Variants in DGKG observed in about 807,000 individuals in gnomAD.
DGKG encodes the protein diacylglycerol kinase gamma, also known as DAG kinase gamma.
A neutral mutation model predicts 105.3 loss-of-function variants in DGKG; 78 were observed. The observed-to-expected ratio is 0.74, with a 90% CI of 0.62 to 0.89. The LOEUF (loss-of-function observed/expected upper bound fraction) is 0.89. DGKG is among the 40% of genes least tolerant of loss of function. The pLI is 0.00. For missense variants in DGKG, 958 were observed against 1,020.1 expected, an observed-to-expected ratio of 0.94 and a Z score of 0.83; for synonymous variants, 346 against 367.1, an observed-to-expected ratio of 0.94 and a Z score of 0.66.
At chr3:186,348,976 T>A (rs1289659422) in intron 1 of DGKG, among the ~76,000 whole-genome samples, 1 of 149,310 alleles carries the variant, frequency 6.7e-6, no homozygotes, top group Non-Finnish European at 1.5e-5. Flanking sequence ...GTCAGGAAAT[T>A]TTTTTTTATT....
intron 5 of DGKG, among the ~76,000 whole-genome samples, chr3:186,293,900 C>T (rs1578788164): frequency 1.3e-5 from 2 of 150,252 alleles, no homozygotes; most frequent in East Asian, 2.0e-4. Context: ...CTAATTAAGA[C>T]ATCTGTGGAA....
chr3:186,338,029 G>C (rs1725910372), intron 1 of DGKG, among the ~76,000 whole-genome samples: 1 of 151,918 alleles, frequency 6.6e-6, no homozygotes, highest in South Asian at 2.1e-4. Flanking sequence ...AATGAGCTGG[G>C]TGTGATGGTG....
chr3:186,280,081 C>A, intron 8 of DGKG, 108 bp from the exon 9 acceptor site: 1 of 1,390,054 alleles, frequency 7.2e-7, no homozygotes, highest in Non-Finnish European at 1.0e-6. Flanking sequence ...TGTGTTTTAC[C>A]CCTTTCCCCT....
chr3:186,324,357 G>A (rs566951915), intron 1 of DGKG, among the ~76,000 whole-genome samples: 1 of 152,078 alleles, frequency 6.6e-6, no homozygotes, highest in Admixed American at 6.6e-5. Flanking sequence ...AAGCTTACTG[G>A]GTTGGTGTTA....
rs186646177 is a variant in DGKG at position 186,191,795 on chromosome 3, A to G, written c.1918-3416T>C. Among the ~76,000 whole-genome samples, 7 of 152,046 alleles carry G rather than the reference A, an allele frequency of 4.6e-5. No homozygotes were observed. The East Asian group carries it at 9.8e-4, about 21-fold the overall frequency. On this transcript the variant is annotated intron_variant, in intron 21 of 24. Coordinates refer to ENST00000265022, the MANE Select transcript of DGKG (RefSeq NM_001346.3). ...GCTCTGCCTTTGCGTGTATGTGTACAGTTTCCTGAAAGCATAGGCTCAACC... is the reference window on the plus strand; with the variant it reads ...GCTCTGCCTTTGCGTGTATGTGTACGGTTTCCTGAAAGCATAGGCTCAACC...
At chr3:186,294,559 C>T (rs375411796) in intron 5 of DGKG, among the ~76,000 whole-genome samples, 2,150 of 144,520 alleles carry the variant, frequency 0.015, 19 homozygotes, top group Middle Eastern at 0.037. Flanking sequence ...AAAAAAAAGT[C>T]TCTAGGTAAA....
intron 13 of DGKG, 90 bp from the exon 14 acceptor site, chr3:186,265,396 A>G: frequency 8.4e-6 from 10 of 1,186,360 alleles, no homozygotes; most frequent in Non-Finnish European, 1.2e-5. Flanking sequence ...GGCTGATATA[A>G]AGAAAGAGAT....
At chr3:186,213,465 T>C (rs1247211354) in intron 20 of DGKG, among the ~76,000 whole-genome samples, 1 of 152,260 alleles carries the variant, frequency 6.6e-6, no homozygotes, top group Non-Finnish European at 1.5e-5. Context: ...AGATGACTGG[T>C]TCTCTGCATG....
rs753660758 is a variant in DGKG at position 186,316,737 on chromosome 3, AAAC to A, written c.67+3653_67+3655del. On this transcript the variant is annotated intron_variant, in intron 2 of 24. Transcript: ENST00000265022. ...GCCAACTTTACACTATATAAATGGA[AAAC>A]AACAAGAGCCTCTCCTACCTGGTAA... Among the ~76,000 whole-genome samples the A allele has an allele frequency of 3.9e-5, 6 of 152,344 alleles. 1 individual carries two copies. The highest frequency in any genetic ancestry group is 4.1e-4 in the South Asian group (2 of 4,822).
At chr3:186,280,795 G>A (rs751290956) in intron 7 of DGKG, 51 bp from the exon 8 acceptor site, 4 of 1,509,968 alleles carry the variant, frequency 2.6e-6, no homozygotes, top group East Asian at 4.5e-5. Context: ...CCAGAGATGT[G>A]TCATTAAGAG....
In DGKG at chr3:186,203,021, A is replaced by C. The variant is rs1718549876; in HGVS notation, c.1917+8774T>G. On this transcript the variant is annotated intron_variant, in intron 21 of 24. Coordinates refer to ENST00000265022, the MANE Select transcript of DGKG (RefSeq NM_001346.3). The surrounding 1 kb of genome is among the most constrained non-coding windows in gnomAD (Gnocchi z 4.9). ...AGCATATGAATGAATAGAGGCTTGAAGTGAACTACAGGGTGCACATTAGTA... is the reference window on the plus strand; with the variant it reads ...AGCATATGAATGAATAGAGGCTTGACGTGAACTACAGGGTGCACATTAGTA... Among the ~76,000 whole-genome samples, 1 of 152,242 alleles carries C rather than the reference A, an allele frequency of 6.6e-6. No individual in the cohort carries two copies. The highest frequency in any genetic ancestry group is 2.1e-4 in the South Asian group (1 of 4,834).
chr3:186,150,323 G>A (rs888161837), intron 24 of DGKG, 135 bp from the exon 25 acceptor site: 2 of 1,219,458 alleles, frequency 1.6e-6, no homozygotes, highest in East Asian at 2.6e-5. Context: ...GTCCTTGAAC[G>A]GCTTCAAAAT....
chr3:186,286,049 G>A (rs763022506), intron 6 of DGKG, among the ~76,000 whole-genome samples: 33 of 152,088 alleles, frequency 2.2e-4, no homozygotes, highest in Non-Finnish European at 3.7e-4. Flanking sequence ...TGACTGATGC[G>A]GTGCAACCAC....
At chr3:186,299,766 T>G (rs1344751567) in intron 3 of DGKG, among the ~76,000 whole-genome samples, 1 of 143,406 alleles carries the variant, frequency 7.0e-6, no homozygotes, top group African/African-American at 2.9e-5. Flanking sequence ...TTTCTTCTTT[T>G]CTCTTTCTTT....
At chr3:186,351,449 C>T (rs1726625925) in intron 1 of DGKG, among the ~76,000 whole-genome samples, 1 of 152,158 alleles carries the variant, frequency 6.6e-6, no homozygotes, top group Non-Finnish European at 1.5e-5. Context: ...ACCTCTGGCT[C>T]AGAGTCTCTG....
rs62289056 is a variant in DGKG, at chr3:186,306,953, G to C, written c.92C>G (p.Ala31Gly). 2.9e-4 allele frequency: 464 copies of C among 1,612,334 alleles called. 3 individuals carry two copies. Among genetic ancestry groups the C allele is most frequent in the South Asian group, 6.6e-5 (6 of 91,044 alleles). The change falls in exon 3 of 25, where the codon GCC becomes GGC. Residue 31 changes from alanine (A) to glycine (G), a missense_variant. Coordinates refer to ENST00000265022, the MANE Select transcript of DGKG (RefSeq NM_001346.3). ...CCCACCCTCATTAAATTCAGTCAAG[G>C]CATCTTTTATCTTCTTGGAGGAATC... Reference protein sequence around the residue: ...SEYSSKKIKDALTEFNEGGSL... With the variant: ...SEYSSKKIKDGLTEFNEGGSL...
chr3:186,218,458 C>G (rs190596525), intron 20 of DGKG, among the ~76,000 whole-genome samples: 2 of 139,516 alleles, frequency 1.4e-5, no homozygotes, highest in African/African-American at 5.3e-5. Context: ...GAGCCGAGAT[C>G]GCGCCACTGC....
Position 186,148,862 on chromosome 3 carries a change from G to A in DGKG, c.*1228C>T, listed in dbSNP as rs773425963. The A allele has an allele frequency of 1.6e-5, 16 of 984,408 alleles. No individual in the cohort carries two copies. The highest frequency in any genetic ancestry group is 1.9e-5 in the Non-Finnish European group (16 of 829,490). 61.0% of individuals were successfully genotyped at this position (984,408 alleles called of 1,614,324 possible). ...CGTCCTGACAATGAAACGGTGGAGT[G>A]GGGGAGTGAGAACCTTCTTTTTCCT... On this transcript the variant is annotated 3_prime_UTR_variant, in exon 25 of 25. Transcript: ENST00000265022.
chr3:186,194,803 T>TAAAAAAAAAAAA lies in DGKG; in HGVS notation c.1918-6436_1918-6425dup, dbSNP rs57878064. Reference sequence around the variant, plus strand: ...CCACGACTCTTTCTTGGTCTTTCTTTAAAAAAAAAAAAAAAAAAAGCCGGG... The same window carrying TAAAAAAAAAAAA: ...CCACGACTCTTTCTTGGTCTTTCTTTAAAAAAAAAAAAAAAAAAAAAAAAAAAAAAAGCCGGG... On this transcript the variant is annotated intron_variant, in intron 21 of 24. Transcript: ENST00000265022. 2.6e-4 allele frequency among the ~76,000 whole-genome samples: 27 copies of TAAAAAAAAAAAA among 105,394 alleles called. 1 individual carries two copies. The highest frequency in any genetic ancestry group is 9.3e-4 in the African/African-American group (26 of 27,926). 69.1% of individuals were successfully genotyped at this position (105,394 alleles called of 152,430 possible).
Sources: allele counts gnomAD v4.1 joint callset (sites outside exome capture counted in the v4.1 genomes callset), GRCh38; gene constraint gnomAD v4.1.1; non-coding constraint Gnocchi (gnomAD v3.1); transcripts MANE v1.5; gene names NCBI Gene and HGNC (gene_info 2026-07-23, HGNC 2026-07-21).